Variants in FLT3 observed in about 807,000 individuals in gnomAD.
The protein encoded by FLT3 is receptor-type tyrosine-protein kinase FLT3.
FLT3 carries 46 observed loss-of-function variants against 126.6 expected under a neutral mutation model. The observed-to-expected ratio is 0.36, with a 90% CI of 0.29 to 0.46. FLT3 has a LOEUF of 0.46. FLT3 is among the 20% of genes least tolerant of loss of function. The probability of loss-of-function intolerance (pLI) is 1.00; values close to 1 mark genes in which losing one functional copy is unlikely to be tolerated. For synonymous variants in FLT3, 404 were observed against 434.4 expected, an observed-to-expected ratio of 0.93 and a Z score of 0.87; for missense variants, 1,069 against 1,190.3, an observed-to-expected ratio of 0.90 and a Z score of 1.50.
At chr13:28,023,908 T>C (rs1872600726) in intron 18 of FLT3, among the ~76,000 whole-genome samples, 1 of 152,020 alleles carries the variant, frequency 6.6e-6, no homozygotes, top group Non-Finnish European at 1.5e-5. Flanking sequence ...CCCGAGTAGC[T>C]GGGACTACAG....
At chr13:28,097,040 A>AT (rs1287552109) in intron 1 of FLT3, among the ~76,000 whole-genome samples, 5 of 151,866 alleles carry the variant, frequency 3.3e-5, no homozygotes, top group Non-Finnish European at 1.5e-5. Context: ...GTGAGATCTC[A>AT]TCTCTACCAA....
chr13:28,058,220 C>CA (rs58082646), intron 3 of FLT3, among the ~76,000 whole-genome samples: 62,749 of 127,142 alleles, frequency 0.49, 14,476 homozygotes, highest in East Asian at 0.63. Flanking sequence ...AAAAAAAAAA[C>CA]AAAAAAAAAA....
chr13:28,025,798 G>A (rs904546839), intron 17 of FLT3, among the ~76,000 whole-genome samples: 2 of 152,124 alleles, frequency 1.3e-5, no homozygotes, highest in Non-Finnish European at 2.9e-5. Context: ...AGGACGGTGT[G>A]ACGGGCATGC....
rs5802460 is a variant in FLT3, at chr13:28,026,352, GAAA to G, written c.2207+733_2207+735del. 1.7e-3 allele frequency among the ~76,000 whole-genome samples: 134 copies of G among 78,886 alleles called. 1 individual carries two copies. The highest frequency in any genetic ancestry group is 2.7e-3 in the African/African-American group (56 of 20,932). The allele number at this position is 78,886 out of a possible 152,430, so 51.8% of individuals were successfully genotyped here. A position where few individuals can be genotyped will look rare whatever the true frequency, so the allele number is the denominator to read the frequency against. The stretch of plus-strand genomic sequence containing the variant: ...TAGGCAACAGAGCGAAACTCTGTCT[GAAA>G]AAAAAAAAAAAAAAAAAAAGAATGC... On this transcript the variant is annotated intron_variant, in intron 17 of 23. Transcript: ENST00000241453.
At chr13:28,091,273 G>A (rs930425777) in intron 1 of FLT3, among the ~76,000 whole-genome samples, 5 of 123,714 alleles carry the variant, frequency 4.0e-5, no homozygotes, top group Admixed American at 9.7e-5. Context: ...CCAGGCTGGA[G>A]TGCAGTGGCG....
rs1593308602 is a variant in FLT3, at chr13:28,091,345, C to G, written c.43+9123G>C. On this transcript the variant is annotated intron_variant, in intron 1 of 23. Transcript: ENST00000241453. ...CACGCCATTCTCCTGCCTCAGCCTC[C>G]CGAGTAGCTGGGACTACAGGCGCCC... Among the ~76,000 whole-genome samples the G allele has an allele frequency of 2.0e-5, 3 of 148,220 alleles. No homozygotes were observed. The South Asian group carries it at 6.5e-4, about 32-fold the overall frequency.
rs751964987 is a variant in FLT3 at position 28,018,461 on chromosome 13, C to T, written c.2541+6G>A. 5 of 1,613,806 alleles carry T rather than the reference C, an allele frequency of 3.1e-6. No homozygotes were observed. The highest frequency in any genetic ancestry group is 1.1e-5 in the South Asian group (1 of 91,048). ...TATAAAAATAAGTAGGAAATAGCAG[C>T]CTCACATTGCCCCTGACAACATAGT... On this transcript the variant is annotated splice_donor_region_variant and intron_variant, in intron 20 of 23. Coordinates refer to ENST00000241453, the MANE Select transcript of FLT3 (RefSeq NM_004119.3).
chr13:28,012,557 CA>C (rs1219962612), intron 23 of FLT3, among the ~76,000 whole-genome samples: 5 of 152,122 alleles, frequency 3.3e-5, no homozygotes, highest in African/African-American at 1.2e-4. Context: ...TACTCTCCAG[CA>C]GACAAGATGC....
intron 1 of FLT3, among the ~76,000 whole-genome samples, chr13:28,094,655 A>G (rs1879340839): frequency 6.6e-6 from 1 of 152,050 alleles, no homozygotes; most frequent in Non-Finnish European, 1.5e-5. Context: ...ATGTGCCTCT[A>G]CGCTCAGTTA....
At chr13:28,081,682 A>G (rs1383944009) in intron 1 of FLT3, among the ~76,000 whole-genome samples, 1 of 152,052 alleles carries the variant, frequency 6.6e-6, no homozygotes, top group African/African-American at 2.4e-5. Context: ...CTTGTTTCTG[A>G]TCTTAGGGAA....
In FLT3 at chr13:28,018,549, G is replaced by T. The variant is rs554971395; in HGVS notation, c.2459C>A (p.Thr820Asn). The T allele has an allele frequency of 1.1e-4, 174 of 1,614,130 alleles. No homozygotes were observed. In the East Asian group the frequency reaches 3.9e-3, roughly 36 times the overall value. ...RDLAARNVLV[T>N]HGKVVKICDF... is the part of the protein sequence containing the mutation. ...ACATATCTTCACCACTTTCCCGTGG[G>T]TGACAAGCACGTTCCTGGCGGCCAG... Residue 820 changes from threonine to asparagine, a missense_variant, in exon 20 of 24, where the codon ACC becomes AAC. Transcript: ENST00000241453.
chr13:28,014,709 T>G, intron 22 of FLT3, 152 bp from the exon 23 acceptor site: 1 of 602,306 alleles, frequency 1.7e-6, no homozygotes, highest in Non-Finnish European at 2.9e-6. Flanking sequence ...GATTTTGAAT[T>G]CATATCCGAA....
At chr13:28,013,253 G>T (rs1431048354) in intron 23 of FLT3, among the ~76,000 whole-genome samples, 5 of 152,182 alleles carry the variant, frequency 3.3e-5, no homozygotes, top group Non-Finnish European at 7.3e-5. Context: ...TAACAATTTA[G>T]AAAGGAGGAC....
intron 1 of FLT3, among the ~76,000 whole-genome samples, chr13:28,075,821 A>G (rs573245006): frequency 6.7e-6 from 1 of 149,074 alleles, no homozygotes; most frequent in South Asian, 2.1e-4. Context: ...TTTGAGACAG[A>G]GTCTGACTCT....
At chr13:28,072,976 G>A (rs2137794165) in intron 1 of FLT3, among the ~76,000 whole-genome samples, 1 of 152,020 alleles carries the variant, frequency 6.6e-6, no homozygotes, top group Admixed American at 6.5e-5. Context: ...CTGCACTCCA[G>A]CCTGGGCGAC....
intron 2 of FLT3, 117 bp downstream of exon 2, chr13:28,070,374 C>T: frequency 1.2e-6 from 1 of 800,466 alleles, no homozygotes; most frequent in Non-Finnish European, 2.0e-6. Context: ...GATGTGAGGC[C>T]ATAATATACT....
At chr13:28,078,127 T>C (rs1227851757) in intron 1 of FLT3, among the ~76,000 whole-genome samples, 2 of 152,152 alleles carry the variant, frequency 1.3e-5, no homozygotes, top group East Asian at 3.9e-4. Context: ...TGTCAATGGA[T>C]CTACCATTCT....
intron 19 of FLT3, among the ~76,000 whole-genome samples, chr13:28,022,342 T>A (rs186806679): frequency 6.6e-6 from 1 of 152,048 alleles, no homozygotes; most frequent in Non-Finnish European, 1.5e-5. Context: ...TGAATTCCCA[T>A]CTCTATTAAA....
At chr13:28,009,582 G>A (rs1354875534) in intron 23 of FLT3, 1 of 152,150 alleles carries the variant, frequency 6.6e-6, no homozygotes, top group African/African-American at 2.4e-5. Flanking sequence ...TGTTGAGACA[G>A]AGTCTTGCTC....
Sources: gnomAD v4.1 joint callset for allele counts (sites outside exome capture counted in the v4.1 genomes callset) on GRCh38, gnomAD v4.1.1 for gene constraint, MANE v1.5 for transcripts, NCBI Gene and HGNC (gene_info 2026-07-23, HGNC 2026-07-21) for gene names.